Variants in CNTN3 observed in about 807,000 individuals in gnomAD.
The protein encoded by CNTN3 is contactin 3, also known as contactin-3.
A neutral mutation model predicts 119.1 loss-of-function variants in CNTN3; 60 were observed. That is an observed-to-expected ratio of 0.50 (90% CI 0.41 to 0.62). The LOEUF (loss-of-function observed/expected upper bound fraction) is 0.62. CNTN3 is among the 20% of genes least tolerant of loss of function. CNTN3 has a pLI of 0.00. For synonymous variants in CNTN3, 450 were observed against 438.7 expected, an observed-to-expected ratio of 1.03 and a Z score of -0.32; for missense variants, 1,101 against 1,242.4, an observed-to-expected ratio of 0.89 and a Z score of 1.71.
chr3:74,396,389 G>T (rs1314993229), intron 5 of CNTN3, among the ~76,000 whole-genome samples: 3 of 152,170 alleles, frequency 2.0e-5, no homozygotes, highest in Non-Finnish European at 2.9e-5. Context: ...TGCTGATTTA[G>T]AGAAAATTTG....
intron 18 of CNTN3, 41 bp from the exon 19 acceptor site, chr3:74,295,277 C>A: frequency 4.3e-6 from 5 of 1,171,328 alleles, no homozygotes; most frequent in Non-Finnish European, 6.3e-6. Context: ...ATAATTTTGG[C>A]AGTTAGTTTA....
chr3:74,543,397 A>G (rs1703869169), intron 1 of CNTN3, among the ~76,000 whole-genome samples: 1 of 152,178 alleles, frequency 6.6e-6, no homozygotes, highest in African/African-American at 2.4e-5. Flanking sequence ...TGCTCCAGGC[A>G]AAGTGCTAGT....
At chr3:74,552,104 C>T (rs1704001211) in intron 1 of CNTN3, among the ~76,000 whole-genome samples, 1 of 152,094 alleles carries the variant, frequency 6.6e-6, no homozygotes, top group Admixed American at 6.6e-5. Flanking sequence ...TTTAAGGTTT[C>T]TCCATGTCTT....
chr3:74,541,785 C>T (rs1365312629), intron 1 of CNTN3, among the ~76,000 whole-genome samples: 2 of 152,098 alleles, frequency 1.3e-5, no homozygotes, highest in Non-Finnish European at 2.9e-5. Context: ...AAATGTTTCA[C>T]TATAAAAGAA....
chr3:74,488,881 T>C (rs938835299), intron 3 of CNTN3, among the ~76,000 whole-genome samples: 5 of 152,206 alleles, frequency 3.3e-5, no homozygotes, highest in Non-Finnish European at 5.9e-5. Context: ...GGTTTTTGTT[T>C]GGTTTATTTG....
chr3:74,284,334 TA>T (rs1460174927), intron 20 of CNTN3, among the ~76,000 whole-genome samples: 1 of 152,212 alleles, frequency 6.6e-6, no homozygotes, highest in Non-Finnish European at 1.5e-5. Context: ...CAAACATTTT[TA>T]TTAAATTAAG....
intron 11 of CNTN3, among the ~76,000 whole-genome samples, chr3:74,354,721 C>CA (rs529846399): frequency 2.3e-4 from 35 of 151,812 alleles, no homozygotes; most frequent in African/African-American, 8.2e-4. Context: ...AACAAACAAA[C>CA]AAAAAAAGCC....
chr3:74,548,359 T>C (rs1703943574), intron 1 of CNTN3, among the ~76,000 whole-genome samples: 1 of 152,192 alleles, frequency 6.6e-6, no homozygotes, highest in African/African-American at 2.4e-5. Flanking sequence ...TTGTCATATC[T>C]ACTTTATATT....
chr3:74,525,023 C>T (rs752498432), intron 1 of CNTN3, among the ~76,000 whole-genome samples: 2 of 151,400 alleles, frequency 1.3e-5, no homozygotes, highest in African/African-American at 2.4e-5. Context: ...GGGTATTAGT[C>T]GCAGAATAAT....
intron 1 of CNTN3, among the ~76,000 whole-genome samples, chr3:74,573,451 T>C (rs1169705801): frequency 6.6e-6 from 1 of 152,066 alleles, no homozygotes; most frequent in Non-Finnish European, 1.5e-5. Context: ...GTGGACTTCA[T>C]CAAACTTAAA....
chr3:74,458,796 T>A (rs1406956209), intron 4 of CNTN3, among the ~76,000 whole-genome samples: 1 of 152,016 alleles, frequency 6.6e-6, no homozygotes, highest in Non-Finnish European at 1.5e-5. Flanking sequence ...CACTCATAGA[T>A]CTATACACTA....
At position 74,395,698 on chromosome 3, in the gene CNTN3, C is replaced by T. The variant is rs538768640; in HGVS notation, c.455-24299G>A. Among the ~76,000 whole-genome samples the T allele has an allele frequency of 6.0e-5, 9 of 151,128 alleles. 1 individual carries two copies. The South Asian group carries it at 1.7e-3, about 29-fold the overall frequency. ...AAAAAGTATTTAGCAGAGAGGTTTTCAGGACATTACAGGCTTACTTTGTTT... is the reference window on the plus strand; with the variant it reads ...AAAAAGTATTTAGCAGAGAGGTTTTTAGGACATTACAGGCTTACTTTGTTT... On this transcript the variant is annotated intron_variant, in intron 5 of 22. Transcript: ENST00000263665.
At chr3:74,351,346 C>T (rs183920729) in intron 11 of CNTN3, among the ~76,000 whole-genome samples, 28 of 152,302 alleles carry the variant, frequency 1.8e-4, no homozygotes, top group Admixed American at 1.8e-3. Flanking sequence ...ATCTCTTTAA[C>T]TCATCCCTCA....
At chr3:74,375,123 T>C (rs1217698529) in intron 5 of CNTN3, among the ~76,000 whole-genome samples, 1 of 152,150 alleles carries the variant, frequency 6.6e-6, no homozygotes, top group Middle Eastern at 3.2e-3. Flanking sequence ...AACTGAATAA[T>C]CCAATGATCT....
At chr3:74,528,245 T>G (rs1312918759) in intron 1 of CNTN3, among the ~76,000 whole-genome samples, 1 of 151,864 alleles carries the variant, frequency 6.6e-6, no homozygotes, top group African/African-American at 2.4e-5. Flanking sequence ...GAATGTACCT[T>G]TCCTAAGTCT....
At chr3:74,462,468 T>C (rs1702387412) in intron 4 of CNTN3, among the ~76,000 whole-genome samples, 1 of 152,088 alleles carries the variant, frequency 6.6e-6, no homozygotes, top group African/African-American at 2.4e-5. Context: ...CTGCCTAGAA[T>C]ACCACTCCAA....
At chr3:74,564,694 T>C (rs1415921165) in intron 1 of CNTN3, among the ~76,000 whole-genome samples, 6 of 151,924 alleles carry the variant, frequency 3.9e-5, no homozygotes, top group Non-Finnish European at 7.4e-5. Context: ...CTGATATTCA[T>C]GATACAAGCT....
At chr3:74,484,720 C>T (rs992031476) in intron 4 of CNTN3, among the ~76,000 whole-genome samples, 3 of 152,010 alleles carry the variant, frequency 2.0e-5, no homozygotes, top group African/African-American at 7.2e-5. Context: ...GGTGAACTCC[C>T]CAAAACCAGA....
Position 74,499,811 on chromosome 3 carries a change from A to C in CNTN3, c.56-26T>G, listed in dbSNP as rs750641187. 5.1e-5 allele frequency: 80 copies of C among 1,569,122 alleles called. 1 individual carries two copies. In the South Asian group the frequency reaches 7.6e-4, roughly 15 times the overall value. ...CTATATGGGTGGGAGACATCCAAAA[A>C]ATAATAATCAGTAAAAGGCATTGTA... On this transcript the variant is annotated intron_variant, in intron 2 of 22. Transcript: ENST00000263665.
Sources: gnomAD v4.1 joint callset for allele counts (sites outside exome capture counted in the v4.1 genomes callset) on GRCh38, gnomAD v4.1.1 for gene constraint, MANE v1.5 for transcripts, NCBI Gene and HGNC (gene_info 2026-07-23, HGNC 2026-07-21) for gene names.